Variants in CRLF2 observed in about 807,000 individuals in gnomAD.
The protein encoded by CRLF2 is cytokine receptor-like factor 2.
In CRLF2, 41 loss-of-function variants were observed where a neutral mutation model predicts 38.7. The observed-to-expected ratio is 1.06, with a 90% CI of 0.83 to 1.37. The LOEUF is 1.37. CRLF2 is among the 40% of genes most tolerant of loss of function. CRLF2 has a pLI of 0.00. For synonymous variants in CRLF2, 140 were observed against 128.8 expected, an observed-to-expected ratio of 1.09 and a Z score of -0.59; for missense variants, 377 against 322.2, an observed-to-expected ratio of 1.17 and a Z score of -1.30.
At position 1,209,138 on chromosome X, in the gene CRLF2, T is replaced by A. The variant is rs756706299; in HGVS notation, c.80-230A>T. On this transcript the variant is annotated intron_variant, in intron 1 of 7. Coordinates refer to ENST00000400841, the MANE Select transcript of CRLF2 (RefSeq NM_022148.4). ...ACCTGTCACCACACCTGGCTAATTT[T>A]TTGTATTTTTAGTAGAGACGGGGTT... is the stretch of plus-strand genomic sequence containing the variant. Among the ~76,000 whole-genome samples, 6 of 151,250 alleles carry A rather than the reference T, an allele frequency of 4.0e-5. No homozygotes were observed. In the South Asian group the frequency reaches 1.3e-3, roughly 32 times the overall value.
Position 1,196,604 on chromosome X carries a change from A to C in CRLF2, c.767+176T>G, listed in dbSNP as rs375513680. On this transcript the variant is annotated intron_variant, in intron 6 of 7. Coordinates refer to ENST00000400841, the MANE Select transcript of CRLF2 (RefSeq NM_022148.4). ...CCCAAGTGCTGGGATGACAGGTGTG[A>C]GCCACCATGCCCAGCCCCTCCGAAA... Among the ~76,000 whole-genome samples, 24 of 152,044 alleles carry C rather than the reference A, an allele frequency of 1.6e-4. 1 individual carries two copies. Among genetic ancestry groups the C allele is most frequent in the African/African-American group, 5.5e-4 (23 of 41,482 alleles).
chrX:1,197,257 T>A (rs2086499048), intron 5 of CRLF2, among the ~76,000 whole-genome samples: 1 of 151,200 alleles, frequency 6.6e-6, no homozygotes, highest in Admixed American at 6.6e-5. Context: ...CACACCGGGC[T>A]AATTTTTGTA....
chrX:1,192,646 TTTTTTTCTTTCTTTCC>T (rs1238511278), intron 7 of CRLF2, among the ~76,000 whole-genome samples: 1 of 147,244 alleles, frequency 6.8e-6, no homozygotes, highest in African/African-American at 2.7e-5. Flanking sequence ...CTTCCTTTTC[TTTTTTTCTTTCTTTCC>T]TTTTTTCTTT....
At chrX:1,196,115 A>T (rs1274773298) in intron 6 of CRLF2, among the ~76,000 whole-genome samples, 1 of 147,994 alleles carries the variant, frequency 6.8e-6, no homozygotes, top group Non-Finnish European at 1.5e-5. Flanking sequence ...TCCTGACCTC[A>T]GGTGATCCAC....
At chrX:1,193,450 C>T (rs1193589286) in intron 6 of CRLF2, 148 bp from the exon 7 acceptor site, 2 of 395,126 alleles carry the variant, frequency 5.1e-6, no homozygotes, top group African/African-American at 4.1e-5. Flanking sequence ...TCCTCCCGCT[C>T]CCCAGGGACC....
At position 1,190,536 on chromosome X, in the gene CRLF2, A is replaced by C; in HGVS notation, c.*361T>G. On this transcript the variant is annotated 3_prime_UTR_variant, in exon 8 of 8. Transcript: ENST00000400841. ...CCTCCGAGAATCCAATGCTATGGGA[A>C]TGGTACATGGACGGAACTGGGGACT... is the stretch of plus-strand genomic sequence containing the variant. 3 of 279,290 alleles carry C rather than the reference A, an allele frequency of 1.1e-5. No homozygotes were observed. Among genetic ancestry groups the C allele is most frequent in the African/African-American group, 2.1e-5 (1 of 46,890 alleles). The allele number at this position is 279,290 out of a possible 1,614,324, so 17.3% of individuals were successfully genotyped here. A position where few individuals can be genotyped will look rare whatever the true frequency, so the allele number is the denominator to read the frequency against.
chrX:1,210,470 T>C (rs1285755748), intron 1 of CRLF2, among the ~76,000 whole-genome samples: 3 of 152,098 alleles, frequency 2.0e-5, no homozygotes, highest in South Asian at 2.1e-4. Context: ...CCTGCCACCA[T>C]GCCCGGCTGA....
At chrX:1,211,954 T>G (rs2086810737) in intron 1 of CRLF2, among the ~76,000 whole-genome samples, 1 of 146,588 alleles carries the variant, frequency 6.8e-6, no homozygotes, top group South Asian at 2.2e-4. Flanking sequence ...GATGGATGGA[T>G]GGATGATAGA....
Position 1,200,690 on chromosome X carries a change from G to C in CRLF2, c.483+1712C>G, listed in dbSNP as rs1279821084. ...ATGTGTATATAAGCTGTGTGTGTGT[G>C]TATATGTGTGTGTATATAAGATGTG... On this transcript the variant is annotated intron_variant, in intron 4 of 7. Coordinates refer to ENST00000400841, the MANE Select transcript of CRLF2 (RefSeq NM_022148.4). Among the ~76,000 whole-genome samples, 129 of 53,004 alleles carry C rather than the reference G, an allele frequency of 2.4e-3. 12 individuals carry two copies. The highest frequency in any genetic ancestry group is 6.6e-3 in the African/African-American group (113 of 17,052). The allele number at this position is 53,004 out of a possible 152,430, so 34.8% of individuals were successfully genotyped here.
Position 1,203,506 on chromosome X carries a change from C to T in CRLF2, c.350-971G>A, listed in dbSNP as rs1196913920. ...TCTGCAGATGTAATTAGGTGAAGGA[C>T]CTTGAGGTGAGATCATCCTGGAGTA... On this transcript the variant is annotated intron_variant, in intron 3 of 7. Coordinates refer to ENST00000400841, the MANE Select transcript of CRLF2 (RefSeq NM_022148.4). Among the ~76,000 whole-genome samples the T allele has an allele frequency of 2.6e-5, 4 of 151,722 alleles. No individual in the cohort carries two copies. The East Asian group carries it at 5.8e-4, about 22-fold the overall frequency.
intron 3 of CRLF2, 33 bp downstream of exon 3, chrX:1,206,399 GA>G (rs775289906): frequency 8.9e-5 from 143 of 1,600,692 alleles, no homozygotes; most frequent in Non-Finnish European, 1.1e-4. Context: ...AGGAAGTACT[GA>G]AAAGCATGGT....
In CRLF2 at chrX:1,191,168, G is replaced by A; in HGVS notation, c.853-8C>T. The A allele has an allele frequency of 2.5e-6, 1 of 398,666 alleles. No homozygotes were observed. Among genetic ancestry groups the A allele is most frequent in the Non-Finnish European group, 4.4e-6 (1 of 226,158 alleles). 24.7% of individuals were successfully genotyped at this position (398,666 alleles called of 1,614,324 possible). ...GGTGTCTGTGATCCACTCCTACCAGGAAGAACATTCTAGCTCAAACACAGT... is the reference window on the plus strand; with the variant it reads ...GGTGTCTGTGATCCACTCCTACCAGAAAGAACATTCTAGCTCAAACACAGT... On this transcript the variant is annotated splice_region_variant and splice_polypyrimidine_tract_variant and intron_variant, in intron 7 of 7. Transcript: ENST00000400841.
At chrX:1,191,720 G>A (rs1307095009) in intron 7 of CRLF2, among the ~76,000 whole-genome samples, 4 of 151,296 alleles carry the variant, frequency 2.6e-5, no homozygotes, top group African/African-American at 7.3e-5. Flanking sequence ...TAGTAGAGAC[G>A]GGGTTTCACC....
intron 3 of CRLF2, among the ~76,000 whole-genome samples, chrX:1,204,150 C>CGTGTGTGTGTGTG (rs1387456703): frequency 8.0e-6 from 1 of 124,712 alleles, no homozygotes; most frequent in South Asian, 2.9e-4. Flanking sequence ...CCAGCTCACT[C>CGTGTGTGTGTGTG]TGTGTGTGTG....
chrX:1,208,623 A>G (rs1165071122), intron 2 of CRLF2, among the ~76,000 whole-genome samples, 183 bp downstream of exon 2: 1 of 152,204 alleles, frequency 6.6e-6, no homozygotes, highest in African/African-American at 2.4e-5. Context: ...TCCCTTGGCA[A>G]GAAGGTTTGG....
intron 7 of CRLF2, among the ~76,000 whole-genome samples, chrX:1,192,974 C>T (rs1259421228): frequency 2.6e-5 from 4 of 151,692 alleles, no homozygotes; most frequent in East Asian, 2.0e-4. Context: ...CCAGCACGCC[C>T]GGCTAATCCT....
intron 5 of CRLF2, among the ~76,000 whole-genome samples, chrX:1,198,183 C>T (rs193175808): frequency 0.098 from 8,402 of 85,980 alleles, 182 homozygotes; most frequent in East Asian, 0.17. Flanking sequence ...CCTCCCACCT[C>T]CCAGGAAGGC....
At chrX:1,206,744 G>A in intron 2 of CRLF2, 145 bp from the exon 3 acceptor site, 1 of 712,040 alleles carries the variant, frequency 1.4e-6, no homozygotes, top group South Asian at 1.8e-5. Flanking sequence ...CCGGGTTCAA[G>A]CAATTCTCCT....
intron 1 of CRLF2, 40 bp from the exon 2 acceptor site, chrX:1,208,948 C>A: frequency 9.0e-7 from 1 of 1,105,002 alleles, no homozygotes; most frequent in Non-Finnish European, 1.4e-6. Flanking sequence ...GGTGAGGCAA[C>A]TCTATTTTTT....
Sources: allele counts gnomAD v4.1 joint callset (sites outside exome capture counted in the v4.1 genomes callset), GRCh38; gene constraint gnomAD v4.1.1; transcripts MANE v1.5; gene names NCBI Gene and HGNC (gene_info 2026-07-23, HGNC 2026-07-21).